AGBL1: variants seen among roughly 807,000 people sequenced by gnomAD.
AGBL1 encodes the protein AGBL carboxypeptidase 1.
AGBL1 carries 130 observed loss-of-function variants against 118.9 expected under a neutral mutation model. The observed-to-expected ratio is 1.09, with a 90% confidence interval of 0.95 to 1.26. AGBL1 has a LOEUF of 1.26. Among genes scored for constraint, AGBL1 ranks in the 50% most tolerant of loss-of-function variants. The probability of loss-of-function intolerance (pLI) is 0.00; values close to 1 mark genes in which losing one functional copy is unlikely to be tolerated. For synonymous variants in AGBL1, 555 were observed against 478.9 expected (o/e 1.16, Z -2.08); for missense variants, 1,584 against 1,298.1 (o/e 1.22, Z -3.38).
chr15:86,354,988 C>G (rs2080690126), intron 17 of AGBL1, among the ~76,000 whole-genome samples: 1 of 152,156 alleles, frequency 6.6e-6, no homozygotes, highest in Non-Finnish European at 1.5e-5. Flanking sequence ...GAGAGAGACA[C>G]CTAGTTGACA....
intron 1 of AGBL1, among the ~76,000 whole-genome samples, chr15:86,139,259 C>T (rs1042885448): frequency 2.6e-5 from 4 of 151,194 alleles, no homozygotes; most frequent in Non-Finnish European, 4.4e-5. Flanking sequence ...CCCTAGGAGA[C>T]TCAGGAAGTC....
chr15:86,559,837 C>T (rs1345202888), intron 21 of AGBL1, among the ~76,000 whole-genome samples: 1 of 152,046 alleles, frequency 6.6e-6, no homozygotes, highest in African/African-American at 2.4e-5. Context: ...TGCTTTCTGT[C>T]TAGTAGAATG....
chr15:86,389,800 A>G (rs1204723164), intron 17 of AGBL1, among the ~76,000 whole-genome samples: 1 of 151,604 alleles, frequency 6.6e-6, no homozygotes, highest in Non-Finnish European at 1.5e-5. Flanking sequence ...AATAGAGGAG[A>G]AAAAAGAAAC....
intron 17 of AGBL1, among the ~76,000 whole-genome samples, chr15:86,298,998 C>T (rs551648620): frequency 2.6e-5 from 4 of 152,126 alleles, no homozygotes; most frequent in African/African-American, 7.2e-5. Context: ...ATTTATTTTT[C>T]AAAAGCATTT....
rs776392677 is a variant in AGBL1 at position 86,258,049 on chromosome 15, T to G, written c.969+18T>G. On this transcript the variant is annotated intron_variant, in intron 9 of 22. Coordinates refer to ENST00000614907, the MANE Select transcript of AGBL1 (RefSeq NM_001386094.1). The stretch of plus-strand genomic sequence containing the variant: ...AAGTGGAAGTAGGTACACCAGCCCA[T>G]GCTTCTAATGATGTCCATAGTCACA... The G allele has an allele frequency of 1.9e-6, 3 of 1,610,734 alleles. No individual in the cohort carries two copies. In the African/African-American group the frequency reaches 4.0e-5, roughly 22 times the overall value.
chr15:86,969,417 G>A (rs752144708), intron 23 of AGBL1, among the ~76,000 whole-genome samples: 8 of 151,974 alleles, frequency 5.3e-5, no homozygotes, highest in African/African-American at 1.2e-4. Flanking sequence ...ACAAGAAAAC[G>A]AAGCACAGGA....
chr15:86,298,005 C>T (rs897913182), intron 17 of AGBL1, among the ~76,000 whole-genome samples: 1 of 151,978 alleles, frequency 6.6e-6, no homozygotes, highest in African/African-American at 2.4e-5. Context: ...GTGTATTACT[C>T]TCTTCTTGCT....
At chr15:86,106,866 T>C (rs1400313943) in intron 1 of AGBL1, among the ~76,000 whole-genome samples, 1 of 152,160 alleles carries the variant, frequency 6.6e-6, no homozygotes, top group African/African-American at 2.4e-5. Flanking sequence ...GGACAAACAT[T>C]TTCTCTCCAG....
rs570193876 is a variant in AGBL1, at chr15:86,741,381, C to CAAAAA, written c.3158+66981_3158+66985dup. On this transcript the variant is annotated intron_variant, in intron 22 of 22. Coordinates refer to ENST00000614907, the MANE Select transcript of AGBL1 (RefSeq NM_001386094.1). ...AAGTGAACAGTGGTCTAAGGCAAAG[C>CAAAAA]AAAAAAAAAAAAAAAAAAAAAAAAA... 8.3e-3 allele frequency among the ~76,000 whole-genome samples: 254 copies of CAAAAA among 30,468 alleles called. 49 individuals carry two copies. The highest frequency in any genetic ancestry group is 9.3e-3 in the Non-Finnish European group (176 of 18,964). The allele number at this position is 30,468 out of a possible 152,430, so 20.0% of individuals were successfully genotyped here. A position where few individuals can be genotyped will look rare whatever the true frequency, so the allele number is the denominator to read the frequency against.
chr15:86,591,328 C>T (rs968974998), intron 21 of AGBL1, among the ~76,000 whole-genome samples: 2 of 152,188 alleles, frequency 1.3e-5, no homozygotes, highest in Non-Finnish European at 2.9e-5. Context: ...TGGATGTCCT[C>T]TAATTCAATT....
At chr15:86,884,066 T>C (rs965565474) in intron 22 of AGBL1, among the ~76,000 whole-genome samples, 3 of 152,226 alleles carry the variant, frequency 2.0e-5, no homozygotes, top group African/African-American at 7.2e-5. Context: ...AACTTCAGCA[T>C]ATCTTTTCTT....
At chr15:86,900,145 G>A (rs1161537441) in intron 22 of AGBL1, among the ~76,000 whole-genome samples, 3 of 152,144 alleles carry the variant, frequency 2.0e-5, no homozygotes, top group African/African-American at 7.2e-5. Flanking sequence ...ACTGAAGGCG[G>A]CACTGTTGTC....
intron 18 of AGBL1, among the ~76,000 whole-genome samples, chr15:86,501,664 T>C (rs1403829692): frequency 2.0e-5 from 3 of 151,600 alleles, no homozygotes; most frequent in Non-Finnish European, 4.4e-5. Context: ...GTTTTATGTA[T>C]GGATATTCTG....
At chr15:86,207,143 G>A (rs1257353842) in intron 5 of AGBL1, among the ~76,000 whole-genome samples, 1 of 152,092 alleles carries the variant, frequency 6.6e-6, no homozygotes, top group African/African-American at 2.4e-5. Flanking sequence ...TTATTTCTGA[G>A]GGCTCTGTTC....
intron 24 of AGBL1, among the ~76,000 whole-genome samples, chr15:87,014,807 C>T (rs575176136): frequency 6.6e-6 from 1 of 152,232 alleles, no homozygotes; most frequent in South Asian, 2.1e-4. Flanking sequence ...CCCTACTTGC[C>T]CTCCATTAGA....
intron 22 of AGBL1, among the ~76,000 whole-genome samples, chr15:86,839,136 A>G (rs1298104027): frequency 6.6e-6 from 1 of 152,042 alleles, no homozygotes; most frequent in Non-Finnish European, 1.5e-5. Flanking sequence ...AGAAGATTAC[A>G]TTGTTGACAG....
intron 22 of AGBL1, among the ~76,000 whole-genome samples, chr15:86,858,164 A>AG (rs1264934978): frequency 6.6e-6 from 1 of 152,162 alleles, no homozygotes; most frequent in Admixed American, 6.6e-5. Context: ...CACCTCCTGG[A>AG]GGGGGACATG....
At chr15:86,511,698 A>C (rs2083054483) in intron 18 of AGBL1, among the ~76,000 whole-genome samples, 1 of 151,984 alleles carries the variant, frequency 6.6e-6, no homozygotes, top group Non-Finnish European at 1.5e-5. Flanking sequence ...GTACAAAATA[A>C]GTGCTCAATG....
At chr15:86,657,014 TGTTG>T (rs2085471024) in intron 21 of AGBL1, among the ~76,000 whole-genome samples, 1 of 152,174 alleles carries the variant, frequency 6.6e-6, no homozygotes, top group Non-Finnish European at 1.5e-5. Context: ...GCCTCAGCCA[TGTTG>T]GTTCTCTGGC....
Sources: gnomAD v4.1 joint callset for allele counts (sites outside exome capture counted in the v4.1 genomes callset) on GRCh38, gnomAD v4.1.1 for gene constraint, MANE v1.5 for transcripts, NCBI Gene and HGNC (gene_info 2026-07-23, HGNC 2026-07-21) for gene names.